ZNF804B: variants seen among roughly 807,000 people sequenced by gnomAD.
ZNF804B encodes zinc finger 804B.
ZNF804B carries 80 observed loss-of-function variants against 101.4 expected under a neutral mutation model. That is an observed-to-expected ratio of 0.79 (90% CI 0.66 to 0.95). The LOEUF (loss-of-function observed/expected upper bound fraction) is 0.95, where lower values mean the gene tolerates loss of function less well. ZNF804B is among the 40% of genes least tolerant of loss of function. The pLI is 0.00. For synonymous variants in ZNF804B, 622 were observed against 558.8 expected, an observed-to-expected ratio of 1.11 and a Z score of -1.59; for missense variants, 1,673 against 1,561.9, an observed-to-expected ratio of 1.07 and a Z score of -1.20.
At chr7:88,782,224 A>G (rs1790240238) in intron 1 of ZNF804B, among the ~76,000 whole-genome samples, 1 of 151,700 alleles carries the variant, frequency 6.6e-6, no homozygotes, top group Non-Finnish European at 1.5e-5. Context: ...TCACTCAGGG[A>G]ACTATGGAAA....
chr7:88,894,226 T>G (rs901189658), intron 1 of ZNF804B, among the ~76,000 whole-genome samples: 1 of 152,102 alleles, frequency 6.6e-6, no homozygotes, highest in Admixed American at 6.5e-5. Flanking sequence ...CCCTTTTTTT[T>G]TTTTGAGATG....
chr7:89,049,366 A>G (rs1191006286), intron 1 of ZNF804B, among the ~76,000 whole-genome samples: 2 of 152,088 alleles, frequency 1.3e-5, no homozygotes, highest in African/African-American at 4.8e-5. Flanking sequence ...CACTTCTCTG[A>G]TGTGTTGGAG....
At chr7:89,171,343 C>CTTCTTCTTCTTCTTCTTT (rs1791227572) in intron 1 of ZNF804B, among the ~76,000 whole-genome samples, 12 of 132,484 alleles carry the variant, frequency 9.1e-5, no homozygotes, top group African/African-American at 3.4e-4. Context: ...TCTTCTTCTT[C>CTTCTTCTTCTTCTTCTTT]TTCTTCTTCT....
At position 89,335,741 on chromosome 7, in the gene ZNF804B, G is replaced by A. The variant is rs192051452; in HGVS notation, c.2759G>A (p.Arg920Lys). Residue 920 changes from arginine (R) to lysine (K), a missense_variant, in exon 4 of 4, where the codon AGG becomes AAG. Coordinates refer to ENST00000333190, the MANE Select transcript of ZNF804B (RefSeq NM_181646.5). The stretch of plus-strand genomic sequence containing the variant: ...GAATCAAACACTGCAGAAGGAGAGA[G>A]GACCCCTCTAACAGCAAAAATCCTT... ...TTESNTAEGE[R>K]TPLTAKILLE... 3 of 1,613,862 alleles carry A rather than the reference G, an allele frequency of 1.9e-6. No homozygotes were observed. The highest frequency in any genetic ancestry group is 2.7e-5 in the African/African-American group (2 of 74,876).
At chr7:88,975,110 G>A (rs1016751852) in intron 1 of ZNF804B, among the ~76,000 whole-genome samples, 1 of 151,202 alleles carries the variant, frequency 6.6e-6, no homozygotes, top group Non-Finnish European at 1.5e-5. Flanking sequence ...TGACAGAATG[G>A]CATTTTTTTA....
intron 1 of ZNF804B, among the ~76,000 whole-genome samples, chr7:89,213,035 G>A (rs139547695): frequency 1.3e-5 from 2 of 152,230 alleles, no homozygotes; most frequent in East Asian, 1.9e-4. Flanking sequence ...TCTATTCTGA[G>A]ATAACTGAAA....
chr7:89,112,473 T>C (rs1489824009), intron 1 of ZNF804B, among the ~76,000 whole-genome samples: 1 of 152,214 alleles, frequency 6.6e-6, no homozygotes, highest in African/African-American at 2.4e-5. Flanking sequence ...GTTCAATTGA[T>C]CTATTTGTCT....
intron 1 of ZNF804B, among the ~76,000 whole-genome samples, chr7:88,896,144 C>T (rs1326312088): frequency 6.6e-6 from 1 of 152,178 alleles, no homozygotes; most frequent in Non-Finnish European, 1.5e-5. Context: ...GATTATCTCT[C>T]TGGTTTTTGT....
intron 1 of ZNF804B, among the ~76,000 whole-genome samples, chr7:89,187,267 A>C (rs1584040170): frequency 6.6e-6 from 1 of 152,008 alleles, no homozygotes; most frequent in Admixed American, 6.6e-5. Context: ...TAACATAGAA[A>C]CTCATTTAAA....
chr7:88,983,759 A>T (rs746059949), intron 1 of ZNF804B, among the ~76,000 whole-genome samples: 2 of 152,096 alleles, frequency 1.3e-5, no homozygotes, highest in African/African-American at 2.4e-5. Flanking sequence ...ATATAAAATT[A>T]TATATATGGT....
intron 2 of ZNF804B, among the ~76,000 whole-genome samples, chr7:89,254,513 T>C (rs868521340): frequency 1.3e-5 from 2 of 151,076 alleles, no homozygotes; most frequent in African/African-American, 2.4e-5. Flanking sequence ...GTAATATAAA[T>C]GCATGGATAG....
chr7:88,882,735 A>G (rs894237367), intron 1 of ZNF804B, among the ~76,000 whole-genome samples: 5 of 152,144 alleles, frequency 3.3e-5, no homozygotes, highest in Admixed American at 2.0e-4. Context: ...CATAAGTCTA[A>G]GTGAATTAAT....
At chr7:88,988,938 A>G (rs903251341) in intron 1 of ZNF804B, among the ~76,000 whole-genome samples, 2 of 152,114 alleles carry the variant, frequency 1.3e-5, no homozygotes, top group African/African-American at 4.8e-5. Context: ...TAAAATATCC[A>G]GGGGAAGATT....
At chr7:89,314,101 C>CA (rs34868187) in intron 2 of ZNF804B, among the ~76,000 whole-genome samples, 6 of 151,740 alleles carry the variant, frequency 4.0e-5, no homozygotes, top group East Asian at 1.9e-4. Context: ...CAGCACAATT[C>CA]AAAAAAAATT....
At chr7:89,136,467 A>G (rs187681351) in intron 1 of ZNF804B, among the ~76,000 whole-genome samples, 9 of 152,094 alleles carry the variant, frequency 5.9e-5, no homozygotes, top group Admixed American at 5.9e-4. Flanking sequence ...CTATGTCAAG[A>G]AATTTTTCAT....
chr7:89,279,470 A>G (rs1432831747), intron 2 of ZNF804B, among the ~76,000 whole-genome samples: 1 of 150,266 alleles, frequency 6.7e-6, no homozygotes, highest in African/African-American at 2.4e-5. Flanking sequence ...CCCATTCAGT[A>G]TGATATTGGC....
At chr7:88,986,734 T>C (rs955707715) in intron 1 of ZNF804B, among the ~76,000 whole-genome samples, 3 of 152,256 alleles carry the variant, frequency 2.0e-5, no homozygotes, top group Admixed American at 1.3e-4. Context: ...TTTGTCCTTA[T>C]CATGGCCTAT....
chr7:88,992,188 A>T (rs557350044), intron 1 of ZNF804B, among the ~76,000 whole-genome samples: 1 of 152,142 alleles, frequency 6.6e-6, no homozygotes, highest in Non-Finnish European at 1.5e-5. Context: ...TCTCTCTTCC[A>T]AAAGTGTGGT....
intron 1 of ZNF804B, among the ~76,000 whole-genome samples, chr7:89,033,973 C>T (rs1304324706): frequency 6.6e-6 from 1 of 151,942 alleles, no homozygotes; most frequent in Non-Finnish European, 1.5e-5. Context: ...ATACAAGTTT[C>T]ATTGTTCCTT....
Sources: allele counts gnomAD v4.1 joint callset (sites outside exome capture counted in the v4.1 genomes callset), GRCh38; gene constraint gnomAD v4.1.1; transcripts MANE v1.5; gene names NCBI Gene and HGNC (gene_info 2026-07-23, HGNC 2026-07-21).